RAB38: variants seen among roughly 807,000 people sequenced by gnomAD.
RAB38 encodes the protein ras-related protein Rab-38.
A neutral mutation model predicts 18.4 loss-of-function variants in RAB38; 15 were observed. That is an observed-to-expected ratio of 0.82 (90% CI 0.55 to 1.26). The LOEUF is 1.26. RAB38 is among the 50% of genes most tolerant of loss of function. RAB38 has a pLI of 0.00. For synonymous variants in RAB38, 101 were observed against 104.4 expected, an observed-to-expected ratio of 0.97 and a Z score of 0.20; for missense variants, 294 against 267.4, an observed-to-expected ratio of 1.10 and a Z score of -0.69.
At chr11:88,116,244 C>A (rs1330214731) in intron 2 of RAB38, among the ~76,000 whole-genome samples, 3 of 152,178 alleles carry the variant, frequency 2.0e-5, no homozygotes, top group African/African-American at 4.8e-5. Context: ...GTCCGATGGT[C>A]CCCTACTGTG....
At chr11:88,015,759 T>TA in the RAB38 span, among the ~76,000 whole-genome samples, 6 of 152,204 alleles carry the variant, frequency 3.9e-5, no homozygotes, top group Admixed American at 2.6e-4. Context: ...CTGGCTCGGT[T>TA]AAAAAAATGT....
At chr11:87,964,823 C>T in the RAB38 span, among the ~76,000 whole-genome samples, 1 of 152,044 alleles carries the variant, frequency 6.6e-6, no homozygotes, top group Admixed American at 6.6e-5. Flanking sequence ...TGTTGTAGCA[C>T]AACAGACCAC....
the RAB38 span, among the ~76,000 whole-genome samples, chr11:88,051,692 A>G: frequency 6.6e-6 from 1 of 152,242 alleles, no homozygotes; most frequent in Non-Finnish European, 1.5e-5. Context: ...ATTATCTGAC[A>G]AAGTCTATAA....
intron 2 of RAB38, among the ~76,000 whole-genome samples, chr11:88,132,593 G>T (rs1022404557): frequency 6.6e-6 from 1 of 152,146 alleles, no homozygotes; most frequent in Non-Finnish European, 1.5e-5. Context: ...GAGTAGCTGG[G>T]ATTACAAGCA....
At chr11:88,138,600 C>T (rs1490664009) in intron 2 of RAB38, among the ~76,000 whole-genome samples, 1 of 151,974 alleles carries the variant, frequency 6.6e-6, no homozygotes, top group Non-Finnish European at 1.5e-5. Context: ...CACCTGCTAA[C>T]CATAGGATAA....
chr11:88,024,499 G>C, the RAB38 span, among the ~76,000 whole-genome samples: 4 of 152,196 alleles, frequency 2.6e-5, no homozygotes, highest in Admixed American at 2.6e-4. Context: ...ACTGAAAACA[G>C]GGCTACCACG....
chr11:88,073,684 C>T, the RAB38 span, among the ~76,000 whole-genome samples: 1 of 151,676 alleles, frequency 6.6e-6, no homozygotes, highest in African/African-American at 2.4e-5. Flanking sequence ...CACAAAGGAA[C>T]CAATGACTGA....
the RAB38 span, among the ~76,000 whole-genome samples, chr11:88,084,660 T>C: frequency 1.3e-5 from 2 of 151,904 alleles, no homozygotes; most frequent in African/African-American, 4.8e-5. Flanking sequence ...ACTCTTTTTC[T>C]TCTCTCCTCA....
At position 88,114,082 on chromosome 11, in the gene RAB38, T is replaced by G. The variant is rs566406090; in HGVS notation, c.542A>C (p.Glu181Ala). The G allele has an allele frequency of 4.9e-5, 79 of 1,614,190 alleles. 1 individual carries two copies. In the South Asian group the frequency reaches 5.4e-4, roughly 11 times the overall value. The change falls in exon 3 of 3, where the codon GAG (glutamate) becomes GCG (alanine). Residue 181 changes from glutamate to alanine, a missense_variant. Physicochemically the swap from Glu to Ala is moderately radical, Grantham distance 107 (BLOSUM62 -1). Transcript: ENST00000243662. ...CTCAATAGACTCCATTAGGTCACACTCATTTGCAAGTATGTGTTTCACCAG... is the reference window on the plus strand; with the variant it reads ...CTCAATAGACTCCATTAGGTCACACGCATTTGCAAGTATGTGTTTCACCAG... ...RCLVKHILAN[E>A]CDLMESIEPD... is the part of the protein sequence containing the mutation.
chr11:87,846,750 A>C, the RAB38 span, among the ~76,000 whole-genome samples: 2 of 152,092 alleles, frequency 1.3e-5, no homozygotes, highest in Admixed American at 6.6e-5. Flanking sequence ...TATTGGTCTC[A>C]AGTACATGAA....
At chr11:88,083,313 ATTTTTGAAT>A in the RAB38 span, among the ~76,000 whole-genome samples, 2 of 151,862 alleles carry the variant, frequency 1.3e-5, no homozygotes, top group Non-Finnish European at 1.5e-5. Flanking sequence ...TGCATTATAT[ATTTTTGAAT>A]TTCCTTGATT....
At chr11:87,845,069 T>C in the RAB38 span, among the ~76,000 whole-genome samples, 1 of 152,188 alleles carries the variant, frequency 6.6e-6, no homozygotes, top group Admixed American at 6.5e-5. Flanking sequence ...ATTTGAACCA[T>C]CATCCACAGA....
chr11:87,809,996 A>T, the RAB38 span, among the ~76,000 whole-genome samples: 1 of 152,208 alleles, frequency 6.6e-6, no homozygotes, highest in Admixed American at 6.5e-5. Flanking sequence ...CTTAAATTCT[A>T]TGAATTTCAT....
chr11:88,054,949 T>G, the RAB38 span, among the ~76,000 whole-genome samples: 124 of 152,292 alleles, frequency 8.1e-4, no homozygotes, highest in Middle Eastern at 3.4e-3. Context: ...GTGGATATAA[T>G]GTAGGGAATA....
chr11:87,830,830 T>C, the RAB38 span, among the ~76,000 whole-genome samples: 32 of 152,164 alleles, frequency 2.1e-4, no homozygotes, highest in African/African-American at 7.5e-4. Flanking sequence ...ACAGGGTCTC[T>C]CTCTGTTGCC....
At chr11:88,162,059 G>A (rs188357120) in intron 1 of RAB38, among the ~76,000 whole-genome samples, 2 of 152,216 alleles carry the variant, frequency 1.3e-5, no homozygotes, top group East Asian at 3.9e-4. Flanking sequence ...AAAGGACACT[G>A]ACATCATAAT....
the RAB38 span, among the ~76,000 whole-genome samples, chr11:87,822,173 G>T: frequency 6.6e-6 from 1 of 151,786 alleles, no homozygotes; most frequent in Non-Finnish European, 1.5e-5. Context: ...ATGTCATCCA[G>T]GTGAGATAAG....
In RAB38 at chr11:88,138,733, G is replaced by T. The variant is rs144993397; in HGVS notation, c.483+10942C>A. Among the ~76,000 whole-genome samples, 116 of 151,820 alleles carry T rather than the reference G, an allele frequency of 7.6e-4. 1 individual carries two copies. The East Asian group carries it at 0.021, about 27-fold the overall frequency. On this transcript the variant is annotated intron_variant, in intron 2 of 2. Transcript: ENST00000243662. Reference sequence around the variant, plus strand: ...GAAATAAATAAAGCACTTACTACAAGACCTGTTAAACATGCATTTTATACA... The same window carrying T: ...GAAATAAATAAAGCACTTACTACAATACCTGTTAAACATGCATTTTATACA...
downstream of RAB38, among the ~76,000 whole-genome samples, chr11:88,112,433 G>C (rs73526763): frequency 0.021 from 3,129 of 152,236 alleles, 106 homozygotes; most frequent in African/African-American, 0.068. Flanking sequence ...CTAGGTCAGA[G>C]TTTCCAAAGA....
Sources: gnomAD v4.1 joint callset for allele counts (sites outside exome capture counted in the v4.1 genomes callset) on GRCh38, gnomAD v4.1.1 for gene constraint, MANE v1.5 for transcripts, NCBI Gene and HGNC (gene_info 2026-07-23, HGNC 2026-07-21) for gene names.